Variants in CDKAL1 observed in about 807,000 individuals in gnomAD.
CDKAL1 encodes the protein CDKAL1 threonylcarbamoyladenosine tRNA methylthiotransferase.
Under a neutral mutation model 68.2 loss-of-function variants are expected in CDKAL1, and 32 were observed. The observed-to-expected ratio is 0.47, with a 90% CI of 0.35 to 0.63. The LOEUF (loss-of-function observed/expected upper bound fraction) is 0.63, where lower values mean the gene tolerates loss of function less well. CDKAL1 is among the 30% of genes least tolerant of loss of function. The pLI, the probability that CDKAL1 is intolerant of heterozygous loss-of-function variation, is 0.00. For missense variants in CDKAL1, 606 were observed against 696.7 expected (o/e 0.87, Z 1.47); for synonymous variants, 234 against 244.3 (o/e 0.96, Z 0.39).
At chr6:20,861,126 G>T (rs1427262104) in intron 9 of CDKAL1, among the ~76,000 whole-genome samples, 1 of 152,064 alleles carries the variant, frequency 6.6e-6, no homozygotes, top group East Asian at 1.9e-4. Context: ...ATTTGCACAT[G>T]GGCCTGTGCA....
At chr6:20,925,262 T>C (rs1763136060) in intron 9 of CDKAL1, among the ~76,000 whole-genome samples, 1 of 152,214 alleles carries the variant, frequency 6.6e-6, no homozygotes, top group Non-Finnish European at 1.5e-5. Flanking sequence ...TGTACACTTT[T>C]TCAGACATGA....
At chr6:20,883,704 A>G (rs1760933247) in intron 9 of CDKAL1, among the ~76,000 whole-genome samples, 1 of 152,244 alleles carries the variant, frequency 6.6e-6, no homozygotes, top group Admixed American at 6.5e-5. Context: ...TAAAGCAAAT[A>G]AAGTACAATA....
chr6:20,797,396 G>A (rs1473106332), intron 8 of CDKAL1, among the ~76,000 whole-genome samples: 1 of 152,188 alleles, frequency 6.6e-6, no homozygotes, highest in Non-Finnish European at 1.5e-5. Flanking sequence ...ATTGTTGTTG[G>A]AGATGCTAAA....
intron 4 of CDKAL1, among the ~76,000 whole-genome samples, chr6:20,615,138 C>T (rs1766832826): frequency 1.3e-5 from 1 of 74,074 alleles, no homozygotes; most frequent in South Asian, 6.7e-4. Flanking sequence ...CATAGTATTC[C>T]ATGGTGTATA....
intron 8 of CDKAL1, among the ~76,000 whole-genome samples, chr6:20,843,389 A>G (rs1048680407): frequency 6.6e-6 from 1 of 152,002 alleles, no homozygotes; most frequent in African/African-American, 2.4e-5. Flanking sequence ...AGTCAGAAAT[A>G]TTAGCACAGA....
At chr6:20,706,246 T>G (rs1771589917) in intron 5 of CDKAL1, among the ~76,000 whole-genome samples, 1 of 152,178 alleles carries the variant, frequency 6.6e-6, no homozygotes, top group South Asian at 2.1e-4. Context: ...TAGCCTTGCC[T>G]GGTATGGGGA....
chr6:20,599,808 C>T (rs556487469), intron 4 of CDKAL1, among the ~76,000 whole-genome samples: 1 of 152,060 alleles, frequency 6.6e-6, no homozygotes, highest in East Asian at 1.9e-4. Context: ...GTATACTGAG[C>T]AAAATGTTAA....
At chr6:20,691,038 G>T (rs1408865370) in intron 5 of CDKAL1, among the ~76,000 whole-genome samples, 1 of 152,128 alleles carries the variant, frequency 6.6e-6, no homozygotes, top group Non-Finnish European at 1.5e-5. Flanking sequence ...AGAAAAGCAG[G>T]TATTATTACA....
At chr6:20,583,792 C>G (rs1765232887) in intron 4 of CDKAL1, among the ~76,000 whole-genome samples, 1 of 150,530 alleles carries the variant, frequency 6.6e-6, no homozygotes, top group African/African-American at 2.4e-5. Flanking sequence ...GCGCCCCCCC[C>G]CACTAGTTTC....
At chr6:20,984,324 G>A (rs1221169942) in intron 10 of CDKAL1, among the ~76,000 whole-genome samples, 3 of 152,174 alleles carry the variant, frequency 2.0e-5, no homozygotes, top group Admixed American at 6.5e-5. Context: ...GGGTGGGGGA[G>A]TGCAGGTGAG....
intron 13 of CDKAL1, among the ~76,000 whole-genome samples, chr6:21,184,584 A>G (rs773211639): frequency 1.3e-5 from 2 of 152,188 alleles, no homozygotes; most frequent in African/African-American, 2.4e-5. Context: ...ACTGTATACT[A>G]TCATGTGCAA....
intron 9 of CDKAL1, among the ~76,000 whole-genome samples, chr6:20,896,103 CTTTTTT>C (rs777787310): frequency 1.1e-5 from 1 of 90,148 alleles, no homozygotes; most frequent in African/African-American, 4.0e-5. Flanking sequence ...CTTTTCTTTT[CTTTTTT>C]TTTTTTTTTT....
intron 8 of CDKAL1, among the ~76,000 whole-genome samples, chr6:20,792,278 A>C (rs907110230): frequency 2.6e-5 from 4 of 152,138 alleles, no homozygotes; most frequent in Admixed American, 2.6e-4. Flanking sequence ...GTCTCTGAGG[A>C]GTGTCTATTT....
rs545162371 is a variant in CDKAL1 at position 20,714,378 on chromosome 6, C to CTTTTT, written c.372-25117_372-25113dup. ...AATATTAATGATACTATTGTCTGTTCTTTTTTTTTTTTTTTTTTTTTTTTT... is the reference window on the plus strand; with the variant it reads ...AATATTAATGATACTATTGTCTGTTCTTTTTTTTTTTTTTTTTTTTTTTTTTTTTT... On this transcript the variant is annotated intron_variant, in intron 5 of 15. Transcript: ENST00000274695. Among the ~76,000 whole-genome samples the CTTTTT allele has an allele frequency of 3.3e-3, 242 of 72,736 alleles. 21 individuals carry two copies. Among genetic ancestry groups the CTTTTT allele is most frequent in the Non-Finnish European group, 5.7e-3 (198 of 34,772 alleles). 47.7% of individuals were successfully genotyped at this position (72,736 alleles called of 152,430 possible).
At chr6:20,826,103 A>G (rs769250722) in intron 8 of CDKAL1, among the ~76,000 whole-genome samples, 12 of 152,156 alleles carry the variant, frequency 7.9e-5, no homozygotes, top group Non-Finnish European at 1.2e-4. Flanking sequence ...GTCCAAGTAC[A>G]GCTTTTCTCC....
At chr6:20,651,624 T>C (rs2127762565) in intron 5 of CDKAL1, among the ~76,000 whole-genome samples, 1 of 152,314 alleles carries the variant, frequency 6.6e-6, no homozygotes, top group African/African-American at 2.4e-5. Flanking sequence ...GGCATCCTTG[T>C]CTTGTGCCCG....
At chr6:20,622,878 TGAA>T (rs975508035) in intron 4 of CDKAL1, among the ~76,000 whole-genome samples, 1 of 152,050 alleles carries the variant, frequency 6.6e-6, no homozygotes, top group African/African-American at 2.4e-5. Flanking sequence ...ATTTTATAGA[TGAA>T]GGAGCTTAAT....
At chr6:20,670,001 T>C (rs566202678) in intron 5 of CDKAL1, among the ~76,000 whole-genome samples, 3 of 152,342 alleles carry the variant, frequency 2.0e-5, no homozygotes, top group South Asian at 4.1e-4. Flanking sequence ...CTCTTCCCTT[T>C]GATTTTACTT....
chr6:20,915,741 T>C (rs1476539985), intron 9 of CDKAL1, among the ~76,000 whole-genome samples: 1 of 152,154 alleles, frequency 6.6e-6, no homozygotes, highest in Non-Finnish European at 1.5e-5. Flanking sequence ...CACACAGAAA[T>C]ATATACATGA....
Sources: allele counts gnomAD v4.1 joint callset (sites outside exome capture counted in the v4.1 genomes callset), GRCh38; gene constraint gnomAD v4.1.1; transcripts MANE v1.5; gene names NCBI Gene and HGNC (gene_info 2026-07-23, HGNC 2026-07-21).